Variants in SMURF2 observed in about 807,000 individuals in gnomAD.
The protein encoded by SMURF2 is SMAD specific E3 ubiquitin protein ligase 2.
A neutral mutation model predicts 109.6 loss-of-function variants in SMURF2; 48 were observed. The ratio of observed to expected loss-of-function variants is 0.44; its 90% confidence interval spans 0.35 to 0.56. The LOEUF (loss-of-function observed/expected upper bound fraction) is 0.56, where lower values mean the gene tolerates loss of function less well. Ranked by LOEUF, SMURF2 falls within the 20% of genes least tolerant of loss-of-function variation. SMURF2 has a pLI of 0.01. For missense variants in SMURF2, 575 were observed against 909.0 expected (o/e 0.63, Z 4.72); for synonymous variants, 288 against 317.1 (o/e 0.91, Z 0.97).
Position 64,561,526 on chromosome 17 carries a change from T to G in SMURF2, c.1290A>C (p.Glu430Asp). ...KRLMIKFRGE[E>D]GLDYGGVARE... ...TGGCAACGCCTCCATAGTCAAGGCC[T>G]TCTTCTCCACGAAATTTTATCATTA... The change falls in exon 12 of 19, where the codon GAA (glutamate) becomes GAC (aspartate). Residue 430 changes from glutamate to aspartate, a missense_variant. Transcript: ENST00000262435. The G allele has an allele frequency of 6.2e-7, 1 of 1,613,984 alleles. No individual in the cohort carries two copies. The highest frequency in any genetic ancestry group is 8.5e-7 in the Non-Finnish European group (1 of 1,179,904).
At position 64,650,599 on chromosome 17, in the gene SMURF2, G is replaced by C. The variant is rs149994889; in HGVS notation, c.52+11230C>G. 3.3e-3 allele frequency among the ~76,000 whole-genome samples: 504 copies of C among 152,072 alleles called. 1 individual carries two copies. Among genetic ancestry groups the C allele is most frequent in the African/African-American group, 0.011 (476 of 41,478 alleles). On this transcript the variant is annotated intron_variant, in intron 1 of 18. Transcript: ENST00000262435. ...TAATCCCAGCACTTTGGGAGGCCGA[G>C]GTGGGCGGATCACTTGAGGTCAGGA...
rs1969531343 is a variant in SMURF2 at position 64,578,516 on chromosome 17, G to A, written c.833C>T (p.Thr278Ile). The A allele has an allele frequency of 6.2e-7, 1 of 1,613,636 alleles. No individual in the cohort carries two copies. The highest frequency in any genetic ancestry group is 8.5e-7 in the Non-Finnish European group (1 of 1,179,554). ...CCTGGGCACTCTTGGATCATGCCAT[G>A]TGCTCACACCAGTCTGTGTATGTAA... ...YFLHTQTGVSTWHDPRVPRDL... is the reference protein window; with the variant it reads ...YFLHTQTGVSIWHDPRVPRDL... Residue 278 changes from threonine (T) to isoleucine (I), a missense_variant, in exon 9 of 19, where the codon ACA becomes ATA. Coordinates refer to ENST00000262435, the MANE Select transcript of SMURF2 (RefSeq NM_022739.4).
Position 64,661,821 on chromosome 17 carries a change from C to T in SMURF2, c.52+8G>A. ...GGCTGCCCAGCCCGGCCCGCCGCCC[C>T]CCCTCACCTGTCAGGCGCAGCTTGA... On this transcript the variant is annotated splice_region_variant and intron_variant, in intron 1 of 18. Transcript: ENST00000262435. 1 of 1,222,490 alleles carries T rather than the reference C, an allele frequency of 8.2e-7. No individual in the cohort carries two copies. The highest frequency in any genetic ancestry group is 1.0e-6 in the Non-Finnish European group (1 of 981,996). 75.7% of individuals were successfully genotyped at this position (1,222,490 alleles called of 1,614,324 possible).
rs56404103 is a variant in SMURF2 at position 64,581,640 on chromosome 17, A to G, written c.570-649T>C. On this transcript the variant is annotated intron_variant, in intron 7 of 18. Coordinates refer to ENST00000262435, the MANE Select transcript of SMURF2 (RefSeq NM_022739.4). The surrounding 1 kb of genome is among the most constrained non-coding windows in gnomAD (Gnocchi z 4.3). ...ATCTTTCAAAATAAAAAAATAATCAAGAGTTCATTCTTAAATTAACATGGC... is the reference window on the plus strand; with the variant it reads ...ATCTTTCAAAATAAAAAAATAATCAGGAGTTCATTCTTAAATTAACATGGC... Among the ~76,000 whole-genome samples the G allele has an allele frequency of 0.034, 5,168 of 152,180 alleles. 104 individuals carry two copies. The highest frequency in any genetic ancestry group is 0.11 in the Middle Eastern group (32 of 294).
At chr17:64,628,849 C>G (rs578177333) in intron 1 of SMURF2, among the ~76,000 whole-genome samples, 144 of 152,286 alleles carry the variant, frequency 9.5e-4, no homozygotes, top group Admixed American at 1.4e-3. Flanking sequence ...ACTACTCTCA[C>G]AATTGATCAT....
intron 13 of SMURF2, 66 bp downstream of exon 13, chr17:64,557,542 C>A: frequency 1.9e-6 from 2 of 1,046,792 alleles, no homozygotes; most frequent in African/African-American, 1.6e-5. Context: ...ATATAATAAA[C>A]TACATTAACA....
chr17:64,626,083 C>G (rs1359085341), intron 1 of SMURF2, among the ~76,000 whole-genome samples: 8 of 150,782 alleles, frequency 5.3e-5, no homozygotes, highest in African/African-American at 1.5e-4. Flanking sequence ...AGACCGAAAC[C>G]CCATCTCTAC....
At chr17:64,575,195 C>T (rs538488737) in intron 9 of SMURF2, among the ~76,000 whole-genome samples, 5 of 151,130 alleles carry the variant, frequency 3.3e-5, no homozygotes, top group South Asian at 2.1e-4. Context: ...GCTCTGTTGC[C>T]GAGGCTGGAG....
intron 1 of SMURF2, among the ~76,000 whole-genome samples, chr17:64,632,148 G>A (rs1057281011): frequency 5.3e-5 from 8 of 151,906 alleles, no homozygotes; most frequent in Admixed American, 5.3e-4. Flanking sequence ...TAGTAGAGAC[G>A]GGGTTTCACT....
At chr17:64,599,012 ACTAT>A (rs1969856141) in intron 2 of SMURF2, among the ~76,000 whole-genome samples, 1 of 152,244 alleles carries the variant, frequency 6.6e-6, no homozygotes, top group Non-Finnish European at 1.5e-5. Context: ...AAAAGAGCTT[ACTAT>A]CTAATTGGAA....
In SMURF2 at chr17:64,620,063, C is replaced by T. The variant is rs182606215; in HGVS notation, c.53-13423G>A. Among the ~76,000 whole-genome samples the T allele has an allele frequency of 1.0e-3, 157 of 152,228 alleles. 1 individual carries two copies. The Middle Eastern group carries it at 0.017, about 16-fold the overall frequency. On this transcript the variant is annotated intron_variant, in intron 1 of 18. Coordinates refer to ENST00000262435, the MANE Select transcript of SMURF2 (RefSeq NM_022739.4). ...TGAACCTGCTCTTCTTTTTGACCTC[C>T]GTAGTGCTGTGAACTGCACCACGTT...
Position 64,544,714 on chromosome 17 carries a change from C to T in SMURF2, c.*1134G>A, listed in dbSNP as rs1283084041. The T allele has an allele frequency of 6.6e-6, 1 of 152,194 alleles. No individual in the cohort carries two copies. The highest frequency in any genetic ancestry group is 1.9e-4 in the East Asian group (1 of 5,192). 9.4% of individuals were successfully genotyped at this position (152,194 alleles called of 1,614,324 possible). A position where few individuals can be genotyped will look rare whatever the true frequency, so the allele number is the denominator to read the frequency against. On this transcript the variant is annotated 3_prime_UTR_variant, in exon 19 of 19. Coordinates refer to ENST00000262435, the MANE Select transcript of SMURF2 (RefSeq NM_022739.4). Reference sequence around the variant, plus strand: ...CTGTTCATACTACCGCCCCTCAACCCCACTTCATTCTGTTAGGTAAAAGCA... The same window carrying T: ...CTGTTCATACTACCGCCCCTCAACCTCACTTCATTCTGTTAGGTAAAAGCA...
chr17:64,583,260 G>A (rs1218065874), intron 7 of SMURF2, among the ~76,000 whole-genome samples: 2 of 152,076 alleles, frequency 1.3e-5, no homozygotes, highest in African/African-American at 4.8e-5. Context: ...GCAGGCCCTG[G>A]AGCTACAATG....
chr17:64,554,849 T>C lies in SMURF2; in HGVS notation c.1748+7A>G. 1.2e-6 allele frequency: 2 copies of C among 1,612,666 alleles called. No individual in the cohort carries two copies. The highest frequency in any genetic ancestry group is 1.7e-6 in the Non-Finnish European group (2 of 1,179,438). ...AAATTCAGCCTTGAGAACACAGGAG[T>C]GTTTACCTGACATATTCTTTTTTAT... On this transcript the variant is annotated splice_region_variant and intron_variant, in intron 15 of 18. Coordinates refer to ENST00000262435, the MANE Select transcript of SMURF2 (RefSeq NM_022739.4).
chr17:64,596,585 CA>C (rs201858792), intron 3 of SMURF2, among the ~76,000 whole-genome samples: 4,135 of 45,380 alleles, frequency 0.091, 42 homozygotes, highest in African/African-American at 0.13. Context: ...GGAGAGTAAA[CA>C]AAAAAAAAAA....
At chr17:64,549,262 C>CAAAAAAA (rs577973821) in intron 16 of SMURF2, among the ~76,000 whole-genome samples, 1 of 41,570 alleles carries the variant, frequency 2.4e-5, no homozygotes, top group African/African-American at 8.3e-5. Context: ...ACTGTGTCTC[C>CAAAAAAA]AAAAAAAAAA....
rs534424533 is a variant in SMURF2, at chr17:64,556,886, G to A, written c.1431+722C>T. On this transcript the variant is annotated intron_variant, in intron 13 of 18. Coordinates refer to ENST00000262435, the MANE Select transcript of SMURF2 (RefSeq NM_022739.4). ...TTTCTTTTTTAAAAGTAACACACGC[G>A]CACGCACACAAACATATATATTTAC... 7.9e-5 allele frequency among the ~76,000 whole-genome samples: 12 copies of A among 152,018 alleles called. No homozygotes were observed. In the East Asian group the frequency reaches 2.3e-3, roughly 29 times the overall value.
intron 1 of SMURF2, among the ~76,000 whole-genome samples, chr17:64,644,584 A>T (rs1198339230): frequency 1.5e-5 from 2 of 137,060 alleles, no homozygotes; most frequent in Non-Finnish European, 3.1e-5. Context: ...TGACAAGAGC[A>T]AGACTCTGTC....
chr17:64,657,930 C>T (rs1160238343), intron 1 of SMURF2, among the ~76,000 whole-genome samples: 1 of 152,070 alleles, frequency 6.6e-6, no homozygotes, highest in Non-Finnish European at 1.5e-5. Flanking sequence ...TACTGCCTGC[C>T]TGAAGAGGGT....
Sources: gnomAD v4.1 joint callset for allele counts (sites outside exome capture counted in the v4.1 genomes callset) on GRCh38, gnomAD v4.1.1 for gene constraint, Gnocchi (gnomAD v3.1) non-coding constraint, MANE v1.5 for transcripts, NCBI Gene and HGNC (gene_info 2026-07-23, HGNC 2026-07-21) for gene names.